Variants in DNAJC1 observed in about 807,000 individuals in gnomAD.
DNAJC1 encodes DnaJ heat shock protein family (Hsp40) member C1.
DNAJC1 carries 58 observed loss-of-function variants against 76.6 expected under a neutral mutation model. The observed-to-expected ratio is 0.76, with a 90% CI of 0.61 to 0.94. DNAJC1 has a LOEUF of 0.94. Among genes scored for constraint, DNAJC1 ranks in the 40% least tolerant of loss-of-function variants. The pLI is 0.00. For synonymous variants in DNAJC1, 258 were observed against 267.9 expected (o/e 0.96, Z 0.36); for missense variants, 689 against 677.3 (o/e 1.02, Z -0.19).
chr10:21,833,407 G>T (rs577032281), intron 8 of DNAJC1, among the ~76,000 whole-genome samples: 2 of 152,270 alleles, frequency 1.3e-5, no homozygotes, highest in South Asian at 4.1e-4. Flanking sequence ...GGAGGCGGAG[G>T]TTGCAGTGAG....
chr10:21,938,881 T>C (rs1837358564), intron 1 of DNAJC1, among the ~76,000 whole-genome samples: 1 of 152,114 alleles, frequency 6.6e-6, no homozygotes, highest in African/African-American at 2.4e-5. Context: ...AGGTTTTTTT[T>C]GGTTTGTTTT....
At chr10:21,790,338 A>G (rs994776432) in intron 9 of DNAJC1, among the ~76,000 whole-genome samples, 9 of 152,104 alleles carry the variant, frequency 5.9e-5, no homozygotes, top group Admixed American at 3.9e-4. Context: ...TCAACTCAAA[A>G]AGATCCTCCC....
At chr10:21,826,471 C>T (rs1835257505) in intron 8 of DNAJC1, among the ~76,000 whole-genome samples, 1 of 152,102 alleles carries the variant, frequency 6.6e-6, no homozygotes, top group East Asian at 1.9e-4. Flanking sequence ...TCAGTCTCTT[C>T]ATGGTATCCT....
chr10:21,911,231 AT>A (rs1489127075), intron 6 of DNAJC1, among the ~76,000 whole-genome samples: 2 of 152,016 alleles, frequency 1.3e-5, no homozygotes, highest in Non-Finnish European at 2.9e-5. Flanking sequence ...AGGATGTTCT[AT>A]TTCTTTTTCA....
chr10:21,953,821 T>TAA lies in DNAJC1; in HGVS notation c.223-24682_223-24681dup, dbSNP rs779370823. ...GTGGTAAAAAACTAAAACTGAACTT[T>TAA]AAAAAAAAAAAAAAAAAAAAAAAAG... On this transcript the variant is annotated intron_variant, in intron 1 of 11. Transcript: ENST00000376980. Among the ~76,000 whole-genome samples the TAA allele has an allele frequency of 3.6e-3, 307 of 84,904 alleles. 4 individuals carry two copies. Among genetic ancestry groups the TAA allele is most frequent in the African/African-American group, 0.013 (284 of 21,146 alleles). 55.7% of individuals were successfully genotyped at this position (84,904 alleles called of 152,430 possible). A position where few individuals can be genotyped will look rare whatever the true frequency, so the allele number is the denominator to read the frequency against.
chr10:21,981,916 C>T (rs577830798), intron 1 of DNAJC1, among the ~76,000 whole-genome samples: 7 of 152,144 alleles, frequency 4.6e-5, no homozygotes, highest in Admixed American at 4.6e-4. Flanking sequence ...CATTGATATC[C>T]GATCACCCTC....
chr10:21,861,784 G>A (rs1835919150), intron 8 of DNAJC1, among the ~76,000 whole-genome samples: 1 of 152,102 alleles, frequency 6.6e-6, no homozygotes, highest in African/African-American at 2.4e-5. Context: ...CTAGAAAGAG[G>A]AGGCATGAAT....
chr10:21,824,501 T>TGAA (rs1835212676), intron 8 of DNAJC1, among the ~76,000 whole-genome samples: 1 of 152,200 alleles, frequency 6.6e-6, no homozygotes, highest in Non-Finnish European at 1.5e-5. Flanking sequence ...CTGTATAAGT[T>TGAA]GAAGACATAT....
intron 8 of DNAJC1, among the ~76,000 whole-genome samples, chr10:21,851,076 G>A (rs1264072102): frequency 6.6e-6 from 1 of 152,074 alleles, no homozygotes; most frequent in African/African-American, 2.4e-5. Context: ...AAGCATAGGG[G>A]TAAAATTCAC....
chr10:21,892,381 A>ACG (rs1200096089), intron 7 of DNAJC1, among the ~76,000 whole-genome samples: 1 of 151,140 alleles, frequency 6.6e-6, no homozygotes, highest in Non-Finnish European at 1.5e-5. Context: ...ACACACACAC[A>ACG]CGGTCTTTCA....
chr10:21,825,953 G>A (rs943229582), intron 8 of DNAJC1, among the ~76,000 whole-genome samples: 4 of 151,946 alleles, frequency 2.6e-5, no homozygotes, highest in Non-Finnish European at 4.4e-5. Flanking sequence ...AAAACATATC[G>A]ACCAGCTGCA....
At chr10:21,987,703 T>A (rs1376080624) in intron 1 of DNAJC1, among the ~76,000 whole-genome samples, 1 of 152,242 alleles carries the variant, frequency 6.6e-6, no homozygotes, top group Non-Finnish European at 1.5e-5. Context: ...ATTTATCTCA[T>A]AAACATGAAA....
chr10:22,003,082 C>A (rs1838548925), intron 1 of DNAJC1, 131 bp downstream of exon 1: 4 of 1,319,618 alleles, frequency 3.0e-6, no homozygotes, highest in Admixed American at 4.1e-5. Context: ...CCCCGGTGAC[C>A]CGAGCTGAGG....
At chr10:21,945,196 C>A (rs1232466647) in intron 1 of DNAJC1, among the ~76,000 whole-genome samples, 1 of 152,110 alleles carries the variant, frequency 6.6e-6, no homozygotes, top group Admixed American at 6.5e-5. Flanking sequence ...CTGCTGATGT[C>A]AGGTAAAATG....
chr10:21,934,703 A>G (rs1427274800), intron 1 of DNAJC1, among the ~76,000 whole-genome samples: 1 of 152,226 alleles, frequency 6.6e-6, no homozygotes, highest in Non-Finnish European at 1.5e-5. Context: ...AGGTTATACC[A>G]TATAGCCTAG....
intron 1 of DNAJC1, among the ~76,000 whole-genome samples, chr10:21,999,480 G>A (rs1838480688): frequency 7.3e-6 from 1 of 137,096 alleles, no homozygotes; most frequent in Non-Finnish European, 1.5e-5. Flanking sequence ...TTTTGAGACG[G>A]AGTCTCGCTC....
intron 1 of DNAJC1, among the ~76,000 whole-genome samples, chr10:21,948,265 G>A (rs571384700): frequency 1.3e-5 from 2 of 151,982 alleles, no homozygotes; most frequent in East Asian, 3.9e-4. Flanking sequence ...CCAACTTGCA[G>A]TCTTGAATGT....
At chr10:21,922,840 C>G (rs78722501) in intron 3 of DNAJC1, among the ~76,000 whole-genome samples, 1 of 151,840 alleles carries the variant, frequency 6.6e-6, no homozygotes, top group African/African-American at 2.4e-5. Flanking sequence ...GCAAACCTCT[C>G]CCATGAAATA....
intron 8 of DNAJC1, among the ~76,000 whole-genome samples, chr10:21,832,255 G>C (rs1835370184): frequency 1.3e-5 from 2 of 151,672 alleles, no homozygotes; most frequent in Admixed American, 1.3e-4. Context: ...TCCTTACTTT[G>C]GGAATATTCC....
Sources: gnomAD v4.1 joint callset for allele counts (sites outside exome capture counted in the v4.1 genomes callset) on GRCh38, gnomAD v4.1.1 for gene constraint, MANE v1.5 for transcripts, NCBI Gene and HGNC (gene_info 2026-07-23, HGNC 2026-07-21) for gene names.